TSNARE1: variants seen among roughly 807,000 people sequenced by gnomAD.
The protein encoded by TSNARE1 is t-SNARE domain containing 1, also known as t-SNARE domain-containing protein 1.
TSNARE1 carries 49 observed loss-of-function variants against 62.0 expected under a neutral mutation model. That is an observed-to-expected ratio of 0.79 (90% confidence interval 0.63 to 1.00). The LOEUF (loss-of-function observed/expected upper bound fraction) is 1.00. TSNARE1 is among the 50% of genes least tolerant of loss of function. The pLI is 0.00. For missense variants in TSNARE1, 755 were observed against 700.1 expected (o/e 1.08, Z -0.88); for synonymous variants, 328 against 294.4 (o/e 1.11, Z -1.17).
chr8:142,293,303 G>A (rs956496815), intron 10 of TSNARE1, among the ~76,000 whole-genome samples: 4 of 152,236 alleles, frequency 2.6e-5, no homozygotes, highest in African/African-American at 4.8e-5. Context: ...GCAGAGGGCC[G>A]GGACGCTTGA....
At chr8:142,265,496 C>T (rs1819088749) in intron 12 of TSNARE1, among the ~76,000 whole-genome samples, 1 of 152,198 alleles carries the variant, frequency 6.6e-6, no homozygotes, top group South Asian at 2.1e-4. Context: ...TGCTCACCTG[C>T]AGAGGCACAG....
At chr8:142,215,804 T>TGG (rs1815804613) in intron 13 of TSNARE1, among the ~76,000 whole-genome samples, 2 of 152,210 alleles carry the variant, frequency 1.3e-5, no homozygotes, top group South Asian at 4.1e-4. Flanking sequence ...CCCACCCAGC[T>TGG]GGGCCTGGAC....
At chr8:142,305,325 CAGG>C (rs1015714464) in intron 9 of TSNARE1, among the ~76,000 whole-genome samples, 1 of 136,004 alleles carries the variant, frequency 7.4e-6, no homozygotes. Context: ...AGGGGAAGCT[CAGG>C]AGGATAGGGG....
intron 12 of TSNARE1, chr8:142,270,813 G>A (rs1309906187): frequency 1.0e-6 from 1 of 985,450 alleles, no homozygotes; most frequent in Non-Finnish European, 1.2e-6. Flanking sequence ...GCCTCCAACA[G>A]CATCATCCCT....
At chr8:142,354,893 G>T (rs998107397) in intron 1 of TSNARE1, 130 bp from the exon 2 acceptor site, 1 of 587,032 alleles carries the variant, frequency 1.7e-6, no homozygotes, top group Admixed American at 3.0e-5. Context: ...CCATTCCCTA[G>T]GCTACTCCAG....
chr8:142,305,258 T>A (rs183556837), intron 9 of TSNARE1, among the ~76,000 whole-genome samples: 1 of 146,776 alleles, frequency 6.8e-6, no homozygotes, highest in Non-Finnish European at 1.5e-5. Context: ...CAGGCACCCA[T>A]GGAGACCTGC....
chr8:142,280,139 G>T (rs1476474223), intron 11 of TSNARE1: 1 of 1,079,880 alleles, frequency 9.3e-7, no homozygotes, highest in South Asian at 2.2e-5. Flanking sequence ...AGCGGGTAGT[G>T]GCGCCGCACC....
At chr8:142,222,259 C>A (rs1366481832) in intron 13 of TSNARE1, among the ~76,000 whole-genome samples, 2,517 of 37,054 alleles carry the variant, frequency 0.068, 295 homozygotes, top group Non-Finnish European at 0.087. Context: ...CTCATCCACT[C>A]ATCCACTCAC....
At chr8:142,311,289 AG>A (rs200163689) in intron 9 of TSNARE1, among the ~76,000 whole-genome samples, 3 of 68,808 alleles carry the variant, frequency 4.4e-5, no homozygotes, top group South Asian at 4.9e-4. Context: ...CAGCCTCTCT[AG>A]TTTTTTTTTT....
At chr8:142,277,856 G>C in intron 11 of TSNARE1, 1 of 985,366 alleles carries the variant, frequency 1.0e-6, no homozygotes, top group Non-Finnish European at 1.2e-6. Flanking sequence ...AGGACTTGCA[G>C]AAAAGGACTA....
chr8:142,300,091 CAAA>C (rs975356446), intron 10 of TSNARE1: 3 of 162,956 alleles, frequency 1.8e-5, no homozygotes, highest in Non-Finnish European at 4.0e-5. Context: ...TTCAACCTTT[CAAA>C]AAAAAGTTAC....
chr8:142,282,264 A>G (rs1362150638), intron 11 of TSNARE1, among the ~76,000 whole-genome samples: 2 of 152,206 alleles, frequency 1.3e-5, no homozygotes, highest in Non-Finnish European at 2.9e-5. Context: ...TCCAGCCTCT[A>G]CATCTCTGCA....
chr8:142,317,895 C>G (rs1378200938), intron 7 of TSNARE1, among the ~76,000 whole-genome samples: 1 of 152,168 alleles, frequency 6.6e-6, no homozygotes, highest in Admixed American at 6.5e-5. Context: ...GGGGCAGAAG[C>G]TGCAGTGAGC....
chr8:142,382,023 G>A (rs1025628875), intron 1 of TSNARE1, among the ~76,000 whole-genome samples: 1 of 152,166 alleles, frequency 6.6e-6, no homozygotes, highest in African/African-American at 2.4e-5. Context: ...ACACAGGCCA[G>A]ATGCTCGGTG....
Position 142,372,454 on chromosome 8 carries a change from C to T in TSNARE1, c.-39-17691G>A, listed in dbSNP as rs1188266725. ...CCTTACAGCAGCCACAGGATGGACC[C>T]CCTCTTTAAGAGTGGGCACACTGGC... On this transcript the variant is annotated intron_variant, in intron 1 of 13. Transcript: ENST00000524325. Among the ~76,000 whole-genome samples the T allele has an allele frequency of 2.3e-4, 35 of 152,194 alleles. 1 individual carries two copies. Among genetic ancestry groups the T allele is most frequent in the Admixed American group, 2.3e-3 (35 of 15,280 alleles).
At chr8:142,214,051 G>C (rs1022097331) in intron 13 of TSNARE1, among the ~76,000 whole-genome samples, 1 of 152,232 alleles carries the variant, frequency 6.6e-6, no homozygotes, top group African/African-American at 2.4e-5. Flanking sequence ...TTCCATAGCT[G>C]GTATGAGGGG....
chr8:142,271,728 C>A (rs1290786047), intron 12 of TSNARE1: 1 of 1,322,308 alleles, frequency 7.6e-7, no homozygotes, highest in Non-Finnish European at 9.7e-7. Flanking sequence ...AGCCTGCACA[C>A]CCAAAACCCA....
At chr8:142,273,301 T>C (rs1819902263) in intron 12 of TSNARE1, 1 of 985,446 alleles carries the variant, frequency 1.0e-6, no homozygotes. Context: ...TCTTGCTGGC[T>C]GGCTTTCCTC....
chr8:142,277,529 G>C lies in TSNARE1; in HGVS notation c.1364-2666C>G, dbSNP rs1425279748. On this transcript the variant is annotated intron_variant, in intron 11 of 13. Transcript: ENST00000524325. Reference sequence around the variant, plus strand: ...CCGGCTCGGGGCAACTGGGCCTGCAGCTGGGATGCCCCCACCCTGTCCTCA... The same window carrying C: ...CCGGCTCGGGGCAACTGGGCCTGCACCTGGGATGCCCCCACCCTGTCCTCA... 4.1e-6 allele frequency: 4 copies of C among 985,352 alleles called. No homozygotes were observed. The African/African-American group carries it at 7.0e-5, about 17-fold the overall frequency. The allele number at this position is 985,352 out of a possible 1,614,324, so 61.0% of individuals were successfully genotyped here. A position where few individuals can be genotyped will look rare whatever the true frequency, so the allele number is the denominator to read the frequency against.
Sources: allele counts gnomAD v4.1 joint callset (sites outside exome capture counted in the v4.1 genomes callset), GRCh38; gene constraint gnomAD v4.1.1; transcripts MANE v1.5; gene names NCBI Gene and HGNC (gene_info 2026-07-23, HGNC 2026-07-21).